RIC8B: variants seen among roughly 807,000 people sequenced by gnomAD.
RIC8B encodes the protein chaperone Ric-8B.
In RIC8B, 16 loss-of-function variants were observed where a neutral mutation model predicts 57.5. That is an observed-to-expected ratio of 0.28 (90% CI 0.19 to 0.42). The LOEUF (loss-of-function observed/expected upper bound fraction) is 0.42. Among genes scored for constraint, RIC8B ranks in the 10% least tolerant of loss-of-function variants. The pLI is 1.00. For synonymous variants in RIC8B, 216 were observed against 250.8 expected, an observed-to-expected ratio of 0.86 and a Z score of 1.31; for missense variants, 481 against 677.0, an observed-to-expected ratio of 0.71 and a Z score of 3.21.
intron 3 of RIC8B, among the ~76,000 whole-genome samples, chr12:106,816,066 T>G (rs2045561621): frequency 6.6e-6 from 1 of 152,188 alleles, no homozygotes; most frequent in South Asian, 2.1e-4. Context: ...ACAAATTAAG[T>G]GAAGTAGACA....
chr12:106,817,135 CCAAT>C (rs1437998233), intron 3 of RIC8B, among the ~76,000 whole-genome samples: 1 of 152,164 alleles, frequency 6.6e-6, no homozygotes, highest in Non-Finnish European at 1.5e-5. Context: ...ATTCATTCAT[CCAAT>C]CAGTCTGTCA....
At chr12:106,795,257 A>G (rs2044426011) in intron 2 of RIC8B, among the ~76,000 whole-genome samples, 1 of 152,194 alleles carries the variant, frequency 6.6e-6, no homozygotes, top group South Asian at 2.1e-4. Context: ...GGGGGAAGGG[A>G]ATAGTGAAGT....
intron 6 of RIC8B, 49 bp downstream of exon 6, chr12:106,843,996 AT>A: frequency 2.5e-6 from 3 of 1,202,668 alleles, no homozygotes; most frequent in Non-Finnish European, 3.7e-6. Flanking sequence ...TTTTATGTGC[AT>A]TTTAAACATA....
chr12:106,817,048 A>G (rs1331150048), intron 3 of RIC8B, among the ~76,000 whole-genome samples: 1 of 152,204 alleles, frequency 6.6e-6, no homozygotes, highest in Non-Finnish European at 1.5e-5. Context: ...ACTATTGAAA[A>G]TAAGATTCTT....
chr12:106,830,581 AATC>A (rs2046312270), intron 4 of RIC8B, among the ~76,000 whole-genome samples: 1 of 152,186 alleles, frequency 6.6e-6, no homozygotes, highest in East Asian at 1.9e-4. Flanking sequence ...GTTTTGTTGT[AATC>A]ATAAAGCTCT....
chr12:106,830,484 G>A (rs982984591), intron 4 of RIC8B, among the ~76,000 whole-genome samples: 2 of 152,204 alleles, frequency 1.3e-5, no homozygotes, highest in African/African-American at 4.8e-5. Context: ...TTGTTTTGAT[G>A]AGTGCGGTAT....
At position 106,860,425 on chromosome 12, in the gene RIC8B, A is replaced by AT; in HGVS notation, c.1451+16dup. 1 of 1,524,542 alleles carries AT rather than the reference A, an allele frequency of 6.6e-7. No homozygotes were observed. 94.4% of individuals were successfully genotyped at this position (1,524,542 alleles called of 1,614,324 possible). On this transcript the variant is annotated intron_variant, in intron 8 of 9. Transcript: ENST00000392837. ...ATGCAAAACCAAAGTATAGTATCAA[A>AT]TTTCTTTTCACCTAACTATGGCTGT...
intron 9 of RIC8B, among the ~76,000 whole-genome samples, chr12:106,874,219 T>C (rs1175466549): frequency 6.6e-6 from 1 of 152,220 alleles, no homozygotes; most frequent in Non-Finnish European, 1.5e-5. Flanking sequence ...TTATAGTAAG[T>C]GTTTGCCAGA....
At position 106,889,105 on chromosome 12, in the gene RIC8B, GAAAAT is replaced by G. The variant is rs1036441597; in HGVS notation, c.*3096_*3100del. The G allele has an allele frequency of 6.6e-6, 1 of 152,058 alleles. No individual in the cohort carries two copies. Among genetic ancestry groups the G allele is most frequent in the Non-Finnish European group, 1.5e-5 (1 of 68,016 alleles). The allele number at this position is 152,058 out of a possible 1,614,324, so 9.4% of individuals were successfully genotyped here. A position where few individuals can be genotyped will look rare whatever the true frequency, so the allele number is the denominator to read the frequency against. ...CATTGTGGAAAGTTTGGAAAATGCA[GAAAAT>G]AAAATTAATAATTTACCCCAAATCC... On this transcript the variant is annotated 3_prime_UTR_variant, in exon 10 of 10. Transcript: ENST00000392837.
intron 2 of RIC8B, among the ~76,000 whole-genome samples, chr12:106,807,946 G>A (rs903077351): frequency 6.6e-6 from 1 of 152,144 alleles, no homozygotes; most frequent in East Asian, 1.9e-4. Context: ...TTAGTGGGGT[G>A]TGGTGGCACG....
chr12:106,873,305 C>A, intron 9 of RIC8B: 1 of 437,176 alleles, frequency 2.3e-6, no homozygotes, highest in Non-Finnish European at 3.0e-6. Context: ...AGAATTTTTG[C>A]ATGACGTGTG....
At chr12:106,854,833 T>C (rs1168334683) in intron 7 of RIC8B, among the ~76,000 whole-genome samples, 2 of 152,040 alleles carry the variant, frequency 1.3e-5, no homozygotes, top group Admixed American at 1.3e-4. Flanking sequence ...CAAAATTTTA[T>C]GGAAGACTAG....
chr12:106,836,272 C>T (rs948436033), intron 4 of RIC8B, among the ~76,000 whole-genome samples: 1 of 152,186 alleles, frequency 6.6e-6, no homozygotes, highest in Non-Finnish European at 1.5e-5. Context: ...AATCCACACT[C>T]ACTCCTTTAC....
intron 8 of RIC8B, among the ~76,000 whole-genome samples, chr12:106,861,896 C>T (rs990592940): frequency 2.0e-5 from 3 of 152,088 alleles, no homozygotes; most frequent in African/African-American, 7.2e-5. Flanking sequence ...AGTACTCATA[C>T]ATGGTTGATA....
intron 6 of RIC8B, among the ~76,000 whole-genome samples, chr12:106,848,348 T>G (rs557107667): frequency 6.6e-6 from 1 of 152,222 alleles, no homozygotes; most frequent in Non-Finnish European, 1.5e-5. Context: ...TGTGGAATCC[T>G]GTACGGAAGT....
In RIC8B at chr12:106,803,215, CAAAAAAAA is replaced by C. The variant is rs55853235; in HGVS notation, c.133-11465_133-11458del. Among the ~76,000 whole-genome samples, 97 of 84,018 alleles carry C rather than the reference CAAAAAAAA, an allele frequency of 1.2e-3. No individual in the cohort carries two copies. The South Asian group carries it at 0.019, about 16-fold the overall frequency. 55.1% of individuals were successfully genotyped at this position (84,018 alleles called of 152,430 possible). A position where few individuals can be genotyped will look rare whatever the true frequency, so the allele number is the denominator to read the frequency against. On this transcript the variant is annotated intron_variant, in intron 2 of 9. Coordinates refer to ENST00000392837, the MANE Select transcript of RIC8B (RefSeq NM_001330145.2). ...TGACAAGAGTGATGATACCCTGTCT[CAAAAAAAA>C]AAAAAAAAAAAAAAAGCAAGTTTCT...
At chr12:106,798,479 A>G (rs2044586139) in intron 2 of RIC8B, among the ~76,000 whole-genome samples, 1 of 152,196 alleles carries the variant, frequency 6.6e-6, no homozygotes, top group Non-Finnish European at 1.5e-5. Flanking sequence ...GCCTATCCTC[A>G]GATAGCTCAC....
chr12:106,784,336 T>G lies in RIC8B; in HGVS notation c.132+292T>G, dbSNP rs114032017. On this transcript the variant is annotated intron_variant, in intron 2 of 9. Transcript: ENST00000392837. ...CTACTCACTCCCAAAGACTGACTGT[T>G]TAGTGGCAAGACTCCAGGTTGCCCA... Among the ~76,000 whole-genome samples the G allele has an allele frequency of 1.9e-3, 287 of 152,236 alleles. 2 individuals are homozygous for G. The highest frequency in any genetic ancestry group is 6.5e-3 in the African/African-American group (272 of 41,540).
intron 4 of RIC8B, among the ~76,000 whole-genome samples, chr12:106,832,061 C>G (rs983931898): frequency 5.3e-5 from 8 of 152,140 alleles, no homozygotes; most frequent in African/African-American, 1.9e-4. Flanking sequence ...TTTCCCAGAT[C>G]TTTAAGAGGC....
Sources: gnomAD v4.1 joint callset for allele counts (sites outside exome capture counted in the v4.1 genomes callset) on GRCh38, gnomAD v4.1.1 for gene constraint, MANE v1.5 for transcripts, NCBI Gene and HGNC (gene_info 2026-07-23, HGNC 2026-07-21) for gene names.